PPP6R3: variants seen among roughly 807,000 people sequenced by gnomAD.
The protein encoded by PPP6R3 is protein phosphatase 6 regulatory subunit 3.
A neutral mutation model predicts 110.7 loss-of-function variants in PPP6R3; 38 were observed. The ratio of observed to expected loss-of-function variants is 0.34; its 90% CI spans 0.26 to 0.45. The LOEUF is 0.45. Among genes scored for constraint, PPP6R3 ranks in the 20% least tolerant of loss-of-function variants. The pLI is 1.00. For synonymous variants in PPP6R3, 369 were observed against 373.5 expected (o/e 0.99, Z 0.14); for missense variants, 870 against 1,062.4 (o/e 0.82, Z 2.52).
At chr11:68,484,843 TC>T (rs1202748261) in intron 1 of PPP6R3, among the ~76,000 whole-genome samples, 1 of 152,138 alleles carries the variant, frequency 6.6e-6, no homozygotes, top group Non-Finnish European at 1.5e-5. Context: ...CACCTCGGCC[TC>T]CCAATGTGCT....
intron 10 of PPP6R3, among the ~76,000 whole-genome samples, chr11:68,568,870 T>C (rs372438373): frequency 3.3e-5 from 5 of 151,986 alleles, no homozygotes; most frequent in African/African-American, 9.7e-5. Flanking sequence ...GTTCACGCCA[T>C]TCTCCTGCCT....
At chr11:68,558,446 A>T (rs2099407469) in intron 7 of PPP6R3, 120 bp from the exon 8 acceptor site, 1 of 613,694 alleles carries the variant, frequency 1.6e-6, no homozygotes, top group African/African-American at 1.9e-5. Flanking sequence ...TAAAATAGTA[A>T]AACAAATATG....
Position 68,613,470 on chromosome 11 carries a change from T to C in PPP6R3, c.*353T>C. The stretch of plus-strand genomic sequence containing the variant: ...TAAAAGTGAATACACAGATCTATTG[T>C]ATTTGAAACATAACTTTGACAATTA... On this transcript the variant is annotated 3_prime_UTR_variant, in exon 24 of 24. Coordinates refer to ENST00000393800, the MANE Select transcript of PPP6R3 (RefSeq NM_001164161.2). 1 of 1,003,936 alleles carries C rather than the reference T, an allele frequency of 1.0e-6. No homozygotes were observed. Among genetic ancestry groups the C allele is most frequent in the Non-Finnish European group, 1.2e-6 (1 of 842,222 alleles). 62.2% of individuals were successfully genotyped at this position (1,003,936 alleles called of 1,614,324 possible).
chr11:68,605,053 A>T (rs1368453465), intron 22 of PPP6R3, among the ~76,000 whole-genome samples: 1 of 152,166 alleles, frequency 6.6e-6, no homozygotes, highest in Admixed American at 6.5e-5. Context: ...AGACTTAGTA[A>T]AGCTGGCCGA....
intron 8 of PPP6R3, among the ~76,000 whole-genome samples, chr11:68,559,456 T>A (rs952136500): frequency 2.0e-5 from 3 of 152,226 alleles, no homozygotes; most frequent in Non-Finnish European, 4.4e-5. Flanking sequence ...TACCCCAAAA[T>A]TCATTCATTA....
chr11:68,565,801 C>T (rs1315671864), intron 9 of PPP6R3, among the ~76,000 whole-genome samples: 2 of 149,676 alleles, frequency 1.3e-5, no homozygotes, highest in South Asian at 2.1e-4. Context: ...GTACCGTTTG[C>T]ACCTGGTTTT....
intron 1 of PPP6R3, among the ~76,000 whole-genome samples, chr11:68,515,758 C>A (rs907907934): frequency 6.6e-6 from 1 of 152,194 alleles, no homozygotes; most frequent in African/African-American, 2.4e-5. Context: ...ACTGTAATTA[C>A]TTCCTTTCTC....
chr11:68,525,047 C>T (rs1369926753), intron 2 of PPP6R3, among the ~76,000 whole-genome samples: 2 of 152,224 alleles, frequency 1.3e-5, no homozygotes, highest in Non-Finnish European at 2.9e-5. Flanking sequence ...CTCTTGATGA[C>T]TGCTTCTTTG....
chr11:68,564,231 C>A, intron 8 of PPP6R3, 72 bp from the exon 9 acceptor site: 1 of 1,425,088 alleles, frequency 7.0e-7, no homozygotes, highest in Non-Finnish European at 9.6e-7. Flanking sequence ...TAAGTAAAGA[C>A]ATACATGGTC....
Position 68,614,324 on chromosome 11 carries a change from T to TCAAA in PPP6R3, c.*1210_*1213dup. 4 of 1,084,586 alleles carry TCAAA rather than the reference T, an allele frequency of 3.7e-6. No individual in the cohort carries two copies. Among genetic ancestry groups the TCAAA allele is most frequent in the East Asian group, 8.1e-5 (1 of 12,288 alleles). 67.2% of individuals were successfully genotyped at this position (1,084,586 alleles called of 1,614,324 possible). On this transcript the variant is annotated 3_prime_UTR_variant, in exon 24 of 24. Coordinates refer to ENST00000393800, the MANE Select transcript of PPP6R3 (RefSeq NM_001164161.2). The stretch of plus-strand genomic sequence containing the variant: ...AATACAAAAATACATCACAGCCTTC[T>TCAAA]CAAACAGCTCAAGCAATATATTGTA...
chr11:68,599,702 C>CT (rs1314192481), intron 19 of PPP6R3, among the ~76,000 whole-genome samples: 7 of 152,208 alleles, frequency 4.6e-5, no homozygotes, highest in Non-Finnish European at 8.8e-5. Context: ...ATATCCTTCA[C>CT]TTAGCTTCCC....
chr11:68,556,147 G>A (rs551321266), intron 7 of PPP6R3, among the ~76,000 whole-genome samples: 5 of 152,092 alleles, frequency 3.3e-5, no homozygotes, highest in Non-Finnish European at 7.3e-5. Context: ...AGCTTGCCGA[G>A]CTCTATATTA....
intron 14 of PPP6R3, among the ~76,000 whole-genome samples, chr11:68,578,146 G>A (rs958304362): frequency 6.6e-6 from 1 of 152,116 alleles, no homozygotes; most frequent in Non-Finnish European, 1.5e-5. Context: ...TTATATAGTA[G>A]GTCTAGGCAC....
chr11:68,570,948 T>C, intron 11 of PPP6R3, 92 bp from the exon 12 acceptor site: 1 of 1,441,240 alleles, frequency 6.9e-7, no homozygotes, highest in Non-Finnish European at 9.2e-7. Context: ...AGATTATGCA[T>C]ACTACTATTC....
intron 1 of PPP6R3, among the ~76,000 whole-genome samples, chr11:68,494,857 A>G (rs2099006512): frequency 6.6e-6 from 1 of 152,194 alleles, no homozygotes; most frequent in Admixed American, 6.5e-5. Flanking sequence ...AAGCCCCTTA[A>G]AAACAAATTT....
intron 1 of PPP6R3, among the ~76,000 whole-genome samples, chr11:68,502,120 G>T (rs1380104857): frequency 2.0e-5 from 3 of 152,236 alleles, no homozygotes; most frequent in Non-Finnish European, 4.4e-5. Context: ...GCTCAGGACA[G>T]TGTTTCTACG....
chr11:68,566,880 C>A, intron 9 of PPP6R3, 134 bp from the exon 10 acceptor site: 1 of 653,068 alleles, frequency 1.5e-6, no homozygotes, highest in Non-Finnish European at 2.4e-6. Flanking sequence ...TCAAGAGCAG[C>A]TTTAGATGTT....
intron 1 of PPP6R3, among the ~76,000 whole-genome samples, chr11:68,464,009 G>C (rs905402373): frequency 6.6e-6 from 1 of 152,228 alleles, no homozygotes; most frequent in African/African-American, 2.4e-5. Context: ...TGCTGAGGTT[G>C]AGAAATCCTG....
intron 10 of PPP6R3, 42 bp from the exon 11 acceptor site, chr11:68,569,706 C>T (rs2099495130): frequency 4.1e-6 from 6 of 1,481,024 alleles, no homozygotes; most frequent in Non-Finnish European, 4.6e-6. Context: ...TTGGCTTAAA[C>T]ATTGAGGTAA....
Sources: allele counts gnomAD v4.1 joint callset (sites outside exome capture counted in the v4.1 genomes callset), GRCh38; gene constraint gnomAD v4.1.1; transcripts MANE v1.5; gene names NCBI Gene and HGNC (gene_info 2026-07-23, HGNC 2026-07-21).